Variants in SLC5A4 observed in about 807,000 individuals in gnomAD.
SLC5A4 encodes probable glucose sensor protein SLC5A4.
Under a neutral mutation model 70.3 loss-of-function variants are expected in SLC5A4, and 55 were observed. That is an observed-to-expected ratio of 0.78 (90% CI 0.63 to 0.98). SLC5A4 has a LOEUF of 0.98. Among genes scored for constraint, SLC5A4 ranks in the 50% least tolerant of loss-of-function variants. The probability of loss-of-function intolerance (pLI) is 0.00; values close to 1 mark genes in which losing one functional copy is unlikely to be tolerated. For synonymous variants in SLC5A4, 268 were observed against 305.7 expected, an observed-to-expected ratio of 0.88 and a Z score of 1.29; for missense variants, 735 against 839.2, an observed-to-expected ratio of 0.88 and a Z score of 1.53.
chr22:32,307,083 C>T, the SLC5A4 span, among the ~76,000 whole-genome samples: 1 of 152,090 alleles, frequency 6.6e-6, no homozygotes, highest in Non-Finnish European at 1.5e-5. Context: ...CCAAGGGTAA[C>T]CATTCTCAGT....
the SLC5A4 span, among the ~76,000 whole-genome samples, chr22:32,332,561 GTC>G: frequency 4.6e-5 from 7 of 152,202 alleles, no homozygotes; most frequent in Non-Finnish European, 8.8e-5. Flanking sequence ...CCTTCTGGGA[GTC>G]TCTGAGGGGC....
At chr22:32,309,746 A>ACC in the SLC5A4 span, among the ~76,000 whole-genome samples, 1 of 151,766 alleles carries the variant, frequency 6.6e-6, no homozygotes, top group African/African-American at 2.4e-5. Flanking sequence ...AAGGGCCGTG[A>ACC]CCCCCTGGCA....
the SLC5A4 span, among the ~76,000 whole-genome samples, chr22:32,331,733 C>T: frequency 5.7e-4 from 87 of 152,170 alleles, 5 homozygotes; most frequent in South Asian, 0.017. Flanking sequence ...ATCGCAGGAG[C>T]GACAGGCGGA....
At chr22:32,246,698 T>C (rs1308187219) in intron 5 of SLC5A4, among the ~76,000 whole-genome samples, 1 of 152,054 alleles carries the variant, frequency 6.6e-6, no homozygotes, top group Non-Finnish European at 1.5e-5. Flanking sequence ...TGGCTAATTT[T>C]TGTATTTTTA....
rs140600947 is a variant in SLC5A4, at chr22:32,249,247, C to T, written c.313-445G>A. Among the ~76,000 whole-genome samples, 479 of 152,286 alleles carry T rather than the reference C, an allele frequency of 3.1e-3. 9 individuals are homozygous for T. The East Asian group carries it at 0.04, about 13-fold the overall frequency. ...ATGTGCAATTTTTACAGAGAGTCTTCACATAGATCACTTACGCTGCTCTCA... is the reference window on the plus strand; with the variant it reads ...ATGTGCAATTTTTACAGAGAGTCTTTACATAGATCACTTACGCTGCTCTCA... On this transcript the variant is annotated intron_variant, in intron 3 of 14. Coordinates refer to ENST00000266086, the MANE Select transcript of SLC5A4 (RefSeq NM_014227.3).
intron 11 of SLC5A4, among the ~76,000 whole-genome samples, chr22:32,226,841 C>G (rs371427861): frequency 3.3e-5 from 5 of 152,152 alleles, no homozygotes; most frequent in African/African-American, 9.7e-5. Context: ...CACTCTCCCA[C>G]TGGCTTCTCA....
chr22:32,269,103 T>G, the SLC5A4 span, among the ~76,000 whole-genome samples: 1 of 152,142 alleles, frequency 6.6e-6, no homozygotes, highest in Non-Finnish European at 1.5e-5. This position sits in a 1 kb window ranked among gnomAD's most constrained non-coding sequence, Gnocchi z 4.1. Context: ...ATGTTGGCCA[T>G]GGCGGTCTCG....
the SLC5A4 span, among the ~76,000 whole-genome samples, chr22:32,294,296 T>C: frequency 1.3e-5 from 2 of 152,230 alleles, no homozygotes. Context: ...TATCTTCAGG[T>C]TGATTAATTA....
chr22:32,272,499 G>A, the SLC5A4 span: 7 of 710,416 alleles, frequency 9.9e-6, no homozygotes, highest in Non-Finnish European at 1.8e-5. Context: ...GCATCTGGCT[G>A]CTGTTACCAG....
the SLC5A4 span, among the ~76,000 whole-genome samples, chr22:32,329,610 T>TG: frequency 4.0e-5 from 4 of 99,470 alleles, no homozygotes; most frequent in Admixed American, 1.0e-4. Context: ...GGTGTGTGTG[T>TG]TGGCTCTGGT....
the SLC5A4 span, among the ~76,000 whole-genome samples, chr22:32,279,930 T>A: frequency 1.7e-4 from 26 of 152,248 alleles, no homozygotes; most frequent in African/African-American, 5.5e-4. Flanking sequence ...GGGGAGGGGC[T>A]GCTCAAGGGT....
At chr22:32,264,120 T>C in the SLC5A4 span, among the ~76,000 whole-genome samples, 1 of 151,734 alleles carries the variant, frequency 6.6e-6, no homozygotes, top group Non-Finnish European at 1.5e-5. Context: ...CAAACCACCA[T>C]GGCACGCGTA....
At chr22:32,333,784 C>T in the SLC5A4 span, among the ~76,000 whole-genome samples, 2 of 150,602 alleles carry the variant, frequency 1.3e-5, no homozygotes, top group African/African-American at 4.9e-5. Flanking sequence ...CATAAACACA[C>T]ACACCATGCC....
chr22:32,352,282 G>T, the SLC5A4 span, among the ~76,000 whole-genome samples: 1 of 137,182 alleles, frequency 7.3e-6, no homozygotes, highest in African/African-American at 2.6e-5. Flanking sequence ...ATGGGGGGAG[G>T]GGGGAGGGAT....
the SLC5A4 span, among the ~76,000 whole-genome samples, chr22:32,343,629 G>T: frequency 6.6e-6 from 1 of 152,074 alleles, no homozygotes; most frequent in African/African-American, 2.4e-5. Flanking sequence ...CAGTCTTAAC[G>T]GATAAACTAT....
the SLC5A4 span, chr22:32,354,925 C>CTG: frequency 6.6e-6 from 1 of 152,556 alleles, no homozygotes; most frequent in Non-Finnish European, 1.5e-5. Flanking sequence ...CCAGCCTCCA[C>CTG]TGTGCTAATG....
chr22:32,317,031 C>T, the SLC5A4 span, among the ~76,000 whole-genome samples: 2 of 150,776 alleles, frequency 1.3e-5, no homozygotes, highest in East Asian at 3.9e-4. Flanking sequence ...GACTATCAGG[C>T]CACAAAGAAA....
rs753324903 is a variant in SLC5A4 at position 32,225,723 on chromosome 22, T to C, written c.1381A>G (p.Ser461Gly). The C allele has an allele frequency of 1.9e-6, 3 of 1,613,332 alleles. No homozygotes were observed. The highest frequency in any genetic ancestry group is 2.2e-5 in the East Asian group (1 of 44,876). Reference protein sequence around the residue: ...QLIHYTESISSYLGPPIAAVF... With the variant: ...QLIHYTESISGYLGPPIAAVF... ...GCTGCAATTGGAGGCCCAAGGTAGC[T>C]AGAAATTGATTCTGTGTAATGGATT... Residue 461 changes from serine (S) to glycine (G), a missense_variant, in exon 12 of 15, where the codon AGC becomes GGC. Physicochemically the swap from Ser to Gly is moderately conservative, Grantham distance 56 (BLOSUM62 0). Coordinates refer to ENST00000266086, the MANE Select transcript of SLC5A4 (RefSeq NM_014227.3).
chr22:32,243,236 A>T (rs1221907835), intron 5 of SLC5A4, among the ~76,000 whole-genome samples: 1 of 152,184 alleles, frequency 6.6e-6, no homozygotes. Context: ...TCCAAAAGAA[A>T]AATTGTCATA....
Sources: gnomAD v4.1 joint callset for allele counts (sites outside exome capture counted in the v4.1 genomes callset) on GRCh38, gnomAD v4.1.1 for gene constraint, Gnocchi (gnomAD v3.1) non-coding constraint, MANE v1.5 for transcripts, NCBI Gene and HGNC (gene_info 2026-07-23, HGNC 2026-07-21) for gene names.